RALYL: variants seen among roughly 807,000 people sequenced by gnomAD.
RALYL encodes RALY RNA binding protein like.
A neutral mutation model predicts 35.1 loss-of-function variants in RALYL; 29 were observed. The ratio of observed to expected loss-of-function variants is 0.83; its 90% CI spans 0.61 to 1.13. RALYL has a LOEUF of 1.13. RALYL is among the 50% of genes most tolerant of loss of function. The pLI is 0.00. For synonymous variants in RALYL, 120 were observed against 127.6 expected (o/e 0.94, Z 0.40); for missense variants, 359 against 360.4 (o/e 1.00, Z 0.03).
chr8:84,473,250 A>C (rs1224899696), intron 1 of RALYL, among the ~76,000 whole-genome samples: 1 of 151,984 alleles, frequency 6.6e-6, no homozygotes, highest in African/African-American at 2.4e-5. Context: ...AAGTAGAAGA[A>C]TATTAGAGAA....
At chr8:84,733,408 G>A (rs923710733) in intron 2 of RALYL, among the ~76,000 whole-genome samples, 7 of 152,094 alleles carry the variant, frequency 4.6e-5, no homozygotes, top group African/African-American at 1.7e-4. Context: ...CATTCTGACA[G>A]TCTATTATTT....
In RALYL at chr8:84,743,034, T is replaced by C. The variant is rs907360661; in HGVS notation, c.257-31545T>C. Among the ~76,000 whole-genome samples the C allele has an allele frequency of 2.0e-5, 3 of 151,984 alleles. No homozygotes were observed. The East Asian group carries it at 5.8e-4, about 29-fold the overall frequency. On this transcript the variant is annotated intron_variant, in intron 2 of 8. Coordinates refer to ENST00000521268, the MANE Select transcript of RALYL (RefSeq NM_173848.7). Reference sequence around the variant, plus strand: ...GACAGAGTCATTTCTCTTCTGTTATTTCCTGGCAATTTTAGGAAAATATAT... The same window carrying C: ...GACAGAGTCATTTCTCTTCTGTTATCTCCTGGCAATTTTAGGAAAATATAT...
At chr8:84,497,859 T>A (rs2056232320) in intron 1 of RALYL, among the ~76,000 whole-genome samples, 1 of 151,962 alleles carries the variant, frequency 6.6e-6, no homozygotes, top group South Asian at 2.1e-4. Flanking sequence ...GACAGGATGT[T>A]CTCGATCTCC....
chr8:84,711,710 A>G (rs561542176), intron 2 of RALYL, among the ~76,000 whole-genome samples: 81 of 152,312 alleles, frequency 5.3e-4, no homozygotes, highest in African/African-American at 1.8e-3. Flanking sequence ...TAGGTTTGAT[A>G]TTTTGTAATT....
chr8:84,763,574 A>C (rs1373774635), intron 2 of RALYL, among the ~76,000 whole-genome samples: 1 of 152,194 alleles, frequency 6.6e-6, no homozygotes, highest in African/African-American at 2.4e-5. Context: ...AAACATATTC[A>C]GGAGGCTACT....
At chr8:84,594,136 CT>C (rs113024087) in intron 2 of RALYL, among the ~76,000 whole-genome samples, 13 of 152,146 alleles carry the variant, frequency 8.5e-5, no homozygotes, top group African/African-American at 2.9e-4. Flanking sequence ...ATATTTCTGG[CT>C]TCTGATTTCC....
chr8:84,900,623 G>A (rs765273182), intron 8 of RALYL, among the ~76,000 whole-genome samples: 222 of 152,090 alleles, frequency 1.5e-3, no homozygotes, highest in Admixed American at 6.0e-3. Flanking sequence ...AGGTTGTGGT[G>A]AGCCAAGATT....
intron 1 of RALYL, among the ~76,000 whole-genome samples, chr8:84,415,704 T>C (rs1252611653): frequency 6.6e-6 from 1 of 152,306 alleles, no homozygotes; most frequent in Admixed American, 6.5e-5. Context: ...CTGGTATATG[T>C]AACAAAAAAG....
intron 2 of RALYL, among the ~76,000 whole-genome samples, chr8:84,605,748 G>A (rs1377355643): frequency 6.6e-6 from 1 of 151,972 alleles, no homozygotes; most frequent in Non-Finnish European, 1.5e-5. Flanking sequence ...TATTGTGTTG[G>A]CCCAACCGGT....
intron 2 of RALYL, among the ~76,000 whole-genome samples, chr8:84,535,437 C>CA (rs1564102392): frequency 9.8e-6 from 1 of 101,898 alleles, no homozygotes; most frequent in African/African-American, 3.8e-5. Flanking sequence ...AGCATCCCTG[C>CA]CTTTTTTTTT....
chr8:84,356,985 C>T (rs915429771), intron 1 of RALYL, among the ~76,000 whole-genome samples: 11 of 151,984 alleles, frequency 7.2e-5, no homozygotes, highest in Admixed American at 2.0e-4. Flanking sequence ...GCTGTAAGGG[C>T]GTCACAAACA....
intron 2 of RALYL, among the ~76,000 whole-genome samples, chr8:84,556,016 C>T (rs1031765865): frequency 2.6e-5 from 4 of 152,174 alleles, no homozygotes; most frequent in Non-Finnish European, 5.9e-5. Flanking sequence ...GCCTCTACAG[C>T]ATGTCTGTAT....
At chr8:84,370,681 T>A (rs1855504425) in intron 1 of RALYL, among the ~76,000 whole-genome samples, 1 of 151,994 alleles carries the variant, frequency 6.6e-6, no homozygotes, top group Non-Finnish European at 1.5e-5. Context: ...GTGGAAGTGT[T>A]TAGAATCTGA....
At chr8:84,737,764 T>C (rs1430112030) in intron 2 of RALYL, among the ~76,000 whole-genome samples, 1 of 151,958 alleles carries the variant, frequency 6.6e-6, no homozygotes, top group African/African-American at 2.4e-5. Flanking sequence ...ATGGGATTTA[T>C]GCTTTTAAAA....
In RALYL at chr8:84,192,906, TG is replaced by T. The variant is rs771310412; in HGVS notation, c.-24+8493del. 4.5e-3 allele frequency among the ~76,000 whole-genome samples: 268 copies of T among 59,354 alleles called. 2 individuals are homozygous for T. The highest frequency in any genetic ancestry group is 7.1e-3 in the Admixed American group (36 of 5,100). 38.9% of individuals were successfully genotyped at this position (59,354 alleles called of 152,430 possible). A position where few individuals can be genotyped will look rare whatever the true frequency, so the allele number is the denominator to read the frequency against. ...GAGGGAGTGTGTGTGTGTGTGTGTG[TG>T]GGGGGGGGGGTTGTGTACGTGTATA... On this transcript the variant is annotated intron_variant, in intron 1 of 8. Transcript: ENST00000521268.
At chr8:84,387,240 CAT>C (rs1024466440) in intron 1 of RALYL, among the ~76,000 whole-genome samples, 1 of 151,778 alleles carries the variant, frequency 6.6e-6, no homozygotes, top group African/African-American at 2.4e-5. Flanking sequence ...AGGCACTTAA[CAT>C]GTATTATCTG....
chr8:84,470,216 T>C (rs1652592483), intron 1 of RALYL, among the ~76,000 whole-genome samples: 1 of 152,182 alleles, frequency 6.6e-6, no homozygotes, highest in African/African-American at 2.4e-5. Flanking sequence ...ATTAAAGATG[T>C]ACACATCCAC....
chr8:84,513,196 C>T (rs1326817473), intron 1 of RALYL, among the ~76,000 whole-genome samples: 1 of 152,120 alleles, frequency 6.6e-6, no homozygotes, highest in Non-Finnish European at 1.5e-5. Context: ...CAATTTCTTT[C>T]ATCAGTAGAT....
chr8:84,838,016 C>G (rs1832386824), intron 4 of RALYL, among the ~76,000 whole-genome samples: 1 of 152,068 alleles, frequency 6.6e-6, no homozygotes, highest in Non-Finnish European at 1.5e-5. Flanking sequence ...TCATACTAAA[C>G]TATTAAAGTG....
Sources: allele counts gnomAD v4.1 joint callset (sites outside exome capture counted in the v4.1 genomes callset), GRCh38; gene constraint gnomAD v4.1.1; transcripts MANE v1.5; gene names NCBI Gene and HGNC (gene_info 2026-07-23, HGNC 2026-07-21).